The following SNX29 variants were observed in gnomAD, a reference collection of about 807,000 sequenced individuals.
The protein encoded by SNX29 is sorting nexin 29.
Under a neutral mutation model 102.1 loss-of-function variants are expected in SNX29, and 78 were observed. The ratio of observed to expected loss-of-function variants is 0.76; its 90% CI spans 0.64 to 0.92. The LOEUF is 0.92. SNX29 is among the 40% of genes least tolerant of loss of function. The pLI is 0.00. For missense variants in SNX29, 1,280 were observed against 1,061.7 expected (o/e 1.21, Z -2.86); for synonymous variants, 580 against 414.5 (o/e 1.40, Z -4.85).
chr16:12,396,443 T>C (rs545118993), intron 16 of SNX29, among the ~76,000 whole-genome samples: 104 of 152,262 alleles, frequency 6.8e-4, no homozygotes, highest in Non-Finnish European at 1.1e-3. Context: ...GCAGTGGAGC[T>C]GGTGTCCTGA....
Position 12,572,193 on chromosome 16 carries a change from G to A in SNX29, c.*3564G>A, listed in dbSNP as rs1000743360. On this transcript the variant is annotated 3_prime_UTR_variant, in exon 21 of 21. Coordinates refer to ENST00000566228, the MANE Select transcript of SNX29 (RefSeq NM_032167.5). ...ATGTAATTTCTTAGAACCATGGCAG[G>A]TAGTATTGTGCTTTAAAAACCAGAG... 6 of 958,342 alleles carry A rather than the reference G, an allele frequency of 6.3e-6. No homozygotes were observed. Among genetic ancestry groups the A allele is most frequent in the Non-Finnish European group, 7.7e-6 (6 of 782,762 alleles). The allele number at this position is 958,342 out of a possible 1,614,324, so 59.4% of individuals were successfully genotyped here.
At chr16:12,015,173 A>G (rs1471159505) in intron 3 of SNX29, among the ~76,000 whole-genome samples, 3 of 152,188 alleles carry the variant, frequency 2.0e-5, no homozygotes, top group African/African-American at 7.2e-5. Context: ...AGAATCATAC[A>G]TAATGCTGTG....
chr16:12,020,831 C>T (rs527907886), intron 3 of SNX29, among the ~76,000 whole-genome samples: 4 of 152,090 alleles, frequency 2.6e-5, no homozygotes, highest in African/African-American at 9.6e-5. Flanking sequence ...GCCATGTTGG[C>T]CAGGCTGGTC....
intron 14 of SNX29, among the ~76,000 whole-genome samples, chr16:12,223,292 G>A (rs1245553358): frequency 6.6e-6 from 1 of 152,200 alleles, no homozygotes; most frequent in Admixed American, 6.5e-5. Flanking sequence ...TTGGGAGGCC[G>A]AGGCTGGAGG....
intron 20 of SNX29, among the ~76,000 whole-genome samples, chr16:12,559,072 C>G (rs545031772): frequency 6.6e-6 from 1 of 152,154 alleles, no homozygotes; most frequent in Admixed American, 6.5e-5. Context: ...AGGTCTACCG[C>G]TGTGTCCCCG....
chr16:12,555,215 G>C (rs1052816735), intron 20 of SNX29, among the ~76,000 whole-genome samples: 1 of 151,868 alleles, frequency 6.6e-6, no homozygotes, highest in Admixed American at 6.5e-5. Context: ...ATGGGCAGCT[G>C]CTGGGTACAG....
intron 1 of SNX29, among the ~76,000 whole-genome samples, chr16:11,979,517 A>T (rs1212792620): frequency 9.2e-5 from 14 of 152,160 alleles, no homozygotes. Context: ...TACACGATAA[A>T]ATAAAGTGGC....
At chr16:12,000,618 G>A (rs2056254272) in intron 2 of SNX29, 1 of 152,704 alleles carries the variant, frequency 6.5e-6, no homozygotes, top group South Asian at 2.1e-4. Flanking sequence ...CAAACTCCTG[G>A]GCTCAAGCAA....
chr16:12,431,452 T>C (rs576975284), intron 18 of SNX29, among the ~76,000 whole-genome samples: 1 of 151,600 alleles, frequency 6.6e-6, no homozygotes, highest in Non-Finnish European at 1.5e-5. Flanking sequence ...TTTTTTGTTT[T>C]TGTTTTTTTG....
intron 20 of SNX29, among the ~76,000 whole-genome samples, chr16:12,540,376 C>T (rs1037616971): frequency 3.3e-5 from 5 of 152,142 alleles, no homozygotes; most frequent in African/African-American, 7.2e-5. Flanking sequence ...CTTATTGTTG[C>T]CCTACCAAAT....
chr16:12,494,025 T>G (rs1386996908), intron 19 of SNX29, among the ~76,000 whole-genome samples: 1 of 152,210 alleles, frequency 6.6e-6, no homozygotes, highest in Non-Finnish European at 1.5e-5. Context: ...TTCTGGGGTA[T>G]TTTTCTTATT....
chr16:12,228,904 C>T (rs2077692817), intron 14 of SNX29, among the ~76,000 whole-genome samples: 1 of 152,230 alleles, frequency 6.6e-6, no homozygotes, highest in Non-Finnish European at 1.5e-5. Context: ...GGCTGCCTCC[C>T]TGCAGTGACC....
intron 15 of SNX29, among the ~76,000 whole-genome samples, chr16:12,285,747 T>C (rs2079573502): frequency 6.6e-6 from 1 of 152,246 alleles, no homozygotes. Flanking sequence ...CATGGGCTTT[T>C]CAATAAAATA....
At chr16:12,062,879 G>A (rs1477264997) in intron 9 of SNX29, among the ~76,000 whole-genome samples, 2 of 152,196 alleles carry the variant, frequency 1.3e-5, no homozygotes. Context: ...CCAGTCAGAT[G>A]CAGTACTAGC....
At position 12,447,840 on chromosome 16, in the gene SNX29, C is replaced by T. The variant is rs917649407; in HGVS notation, c.2038-29879C>T. 2.4e-4 allele frequency among the ~76,000 whole-genome samples: 37 copies of T among 152,194 alleles called. 1 individual carries two copies. The highest frequency in any genetic ancestry group is 9.7e-5 in the African/African-American group (4 of 41,448). On this transcript the variant is annotated intron_variant, in intron 18 of 20. Coordinates refer to ENST00000566228, the MANE Select transcript of SNX29 (RefSeq NM_032167.5). ...CTCAGAGAGCCCTCTCTTCCCTGTACCCTGCCCCTCTCAACACACATCTGA... is the reference window on the plus strand; with the variant it reads ...CTCAGAGAGCCCTCTCTTCCCTGTATCCTGCCCCTCTCAACACACATCTGA...
intron 8 of SNX29, among the ~76,000 whole-genome samples, chr16:12,055,068 C>G (rs2050463704): frequency 6.6e-6 from 1 of 152,018 alleles, no homozygotes; most frequent in Non-Finnish European, 1.5e-5. Context: ...CTGTGTTATT[C>G]AGGGCTTTCT....
At position 12,570,321 on chromosome 16, in the gene SNX29, G is replaced by A. The variant is rs1287485726; in HGVS notation, c.*1692G>A. 3 of 957,554 alleles carry A rather than the reference G, an allele frequency of 3.1e-6. No homozygotes were observed. The highest frequency in any genetic ancestry group is 5.1e-5 in the East Asian group (1 of 19,588). The allele number at this position is 957,554 out of a possible 1,614,324, so 59.3% of individuals were successfully genotyped here. A position where few individuals can be genotyped will look rare whatever the true frequency, so the allele number is the denominator to read the frequency against. Reference sequence around the variant, plus strand: ...GGAGGACCCGAGACATCCTGTAAAGGCAACTTGGTCTCCCTCCCACTCACC... The same window carrying A: ...GGAGGACCCGAGACATCCTGTAAAGACAACTTGGTCTCCCTCCCACTCACC... On this transcript the variant is annotated 3_prime_UTR_variant, in exon 21 of 21. Transcript: ENST00000566228.
At chr16:11,990,854 C>T (rs1332007446) in intron 1 of SNX29, among the ~76,000 whole-genome samples, 1 of 152,206 alleles carries the variant, frequency 6.6e-6, no homozygotes, top group African/African-American at 2.4e-5. Context: ...CAAACTCCGA[C>T]ACTATTGTTT....
At chr16:11,976,923 C>CT (rs1239375915) in intron 1 of SNX29, 110 bp downstream of exon 1, 1 of 1,245,576 alleles carries the variant, frequency 8.0e-7, no homozygotes, top group Non-Finnish European at 1.0e-6. Context: ...CGCAGACCCC[C>CT]TCCCAGTCGC....
Sources: gnomAD v4.1 joint callset for allele counts (sites outside exome capture counted in the v4.1 genomes callset) on GRCh38, gnomAD v4.1.1 for gene constraint, MANE v1.5 for transcripts, NCBI Gene and HGNC (gene_info 2026-07-23, HGNC 2026-07-21) for gene names.